ZNF217: variants seen among roughly 807,000 people sequenced by gnomAD.
ZNF217 encodes zinc finger protein 217.
A neutral mutation model predicts 73.3 loss-of-function variants in ZNF217; 12 were observed. The observed-to-expected ratio is 0.16, with a 90% CI of 0.10 to 0.27. The LOEUF (loss-of-function observed/expected upper bound fraction) is 0.27, where lower values mean the gene tolerates loss of function less well. ZNF217 is among the 10% of genes least tolerant of loss of function. ZNF217 has a pLI of 1.00. For synonymous variants in ZNF217, 588 were observed against 516.4 expected (o/e 1.14, Z -1.88); for missense variants, 1,195 against 1,327.8 (o/e 0.90, Z 1.55).
At chr20:53,579,387 A>T (rs1379081635) in intron 2 of ZNF217, among the ~76,000 whole-genome samples, 1 of 152,208 alleles carries the variant, frequency 6.6e-6, no homozygotes, top group African/African-American at 2.4e-5. Flanking sequence ...AAGAAAAAAA[A>T]ATTTACTTGA....
At position 53,582,603 on chromosome 20, in the gene ZNF217, G is replaced by A. The variant is rs774369263; in HGVS notation, c.224C>T (p.Thr75Ile). Residue 75 changes from threonine to isoleucine, a missense_variant, in exon 2 of 6, where the codon ACA (threonine) becomes ATA (isoleucine). Physicochemically the swap from Thr to Ile is moderately conservative, Grantham distance 89 (BLOSUM62 -1). Coordinates refer to ENST00000371471, the MANE Select transcript of ZNF217 (RefSeq NM_006526.3). This position sits in a 1 kb window ranked among gnomAD's most constrained non-coding sequence, Gnocchi z 4.8. Reference sequence around the variant, plus strand: ...ATGTTTATTAAGGTCTTCTGAATGTGTGAAGGTCTGGCTGCAGAACATGCA... The same window carrying A: ...ATGTTTATTAAGGTCTTCTGAATGTATGAAGGTCTGGCTGCAGAACATGCA... ...LDCMFCSQTF[T>I]HSEDLNKHVL... The A allele has an allele frequency of 3.7e-6, 6 of 1,614,062 alleles. No homozygotes were observed. Among genetic ancestry groups the A allele is most frequent in the African/African-American group, 2.7e-5 (2 of 74,918 alleles).
intron 2 of ZNF217, among the ~76,000 whole-genome samples, chr20:53,579,320 ATATCAC>A (rs1192661062): frequency 7.9e-5 from 12 of 152,164 alleles, no homozygotes; most frequent in African/African-American, 2.9e-4. Flanking sequence ...ACTGTAGATC[ATATCAC>A]TATCCACCTG....
intron 4 of ZNF217, chr20:53,574,897 A>C (rs1297767246): frequency 6.6e-6 from 1 of 152,280 alleles, no homozygotes; most frequent in African/African-American, 2.4e-5. Flanking sequence ...AGGAAGAAAA[A>C]GGGCTGTGAT....
At chr20:53,593,368 G>T (rs1331356319) in intron 1 of ZNF217, among the ~76,000 whole-genome samples, 1 of 152,064 alleles carries the variant, frequency 6.6e-6, no homozygotes, top group Admixed American at 6.5e-5. Context: ...CGCCCCAAGG[G>T]CCAACTGGGC....
chr20:53,580,684 TA>T (rs1483087412), intron 2 of ZNF217, among the ~76,000 whole-genome samples: 1 of 152,190 alleles, frequency 6.6e-6, no homozygotes, highest in African/African-American at 2.4e-5. Flanking sequence ...TGAGCCTTCT[TA>T]AAAATGTCTT....
At chr20:53,570,250 C>G (rs1284193174) in intron 5 of ZNF217, 1 of 152,632 alleles carries the variant, frequency 6.6e-6, no homozygotes, top group African/African-American at 2.4e-5. Context: ...CCCTCATGTT[C>G]TTCATCTATT....
At chr20:53,574,063 C>G (rs551649684) in intron 4 of ZNF217, among the ~76,000 whole-genome samples, 8 of 149,226 alleles carry the variant, frequency 5.4e-5, no homozygotes, top group African/African-American at 1.7e-4. Context: ...GAGCAAGACT[C>G]CATCTCAAAA....
rs1987873543 is a variant in ZNF217 at position 53,569,101 on chromosome 20, G to A, written c.*187C>T. 7.8e-7 allele frequency: 1 copy of A among 1,282,646 alleles called. No individual in the cohort carries two copies. Among genetic ancestry groups the A allele is most frequent in the African/African-American group, 1.6e-5 (1 of 64,404 alleles). 79.5% of individuals were successfully genotyped at this position (1,282,646 alleles called of 1,614,324 possible). On this transcript the variant is annotated 3_prime_UTR_variant, in exon 6 of 6. Coordinates refer to ENST00000371471, the MANE Select transcript of ZNF217 (RefSeq NM_006526.3). ...GTTTGTATTGCTATTTGGTACAAAA[G>A]TTAACAGAACAACTTTACACAACTG...
upstream of ZNF217, among the ~76,000 whole-genome samples, chr20:53,594,932 A>G (rs531768468): frequency 6.6e-5 from 10 of 150,602 alleles, no homozygotes; most frequent in African/African-American, 2.4e-4. Flanking sequence ...TTTTTCTGAA[A>G]GGGCTGGGCT....
At chr20:53,593,494 C>T (rs1988956705) in intron 1 of ZNF217, among the ~76,000 whole-genome samples, 1 of 151,930 alleles carries the variant, frequency 6.6e-6, no homozygotes, top group African/African-American at 2.4e-5. Flanking sequence ...CCCCAAGCCC[C>T]TCTGAATCGT....
intron 4 of ZNF217, among the ~76,000 whole-genome samples, chr20:53,573,789 T>C (rs1988121174): frequency 6.6e-6 from 1 of 152,186 alleles, no homozygotes. Flanking sequence ...ATCTCTACAC[T>C]GCTGGGCATG....
chr20:53,574,748 T>C (rs1410752705), intron 4 of ZNF217: 2 of 144,736 alleles, frequency 1.4e-5, no homozygotes, highest in Non-Finnish European at 3.0e-5. Context: ...TGAGCCGAGA[T>C]CGTGCCACTG....
At chr20:53,570,415 A>G (rs1029057329) in intron 5 of ZNF217, 15 of 153,078 alleles carry the variant, frequency 9.8e-5, no homozygotes, top group Non-Finnish European at 1.6e-4. Context: ...CCTAGCAGCC[A>G]GCAGGCACTT....
Position 53,582,264 on chromosome 20 carries a change from A to G in ZNF217, c.563T>C (p.Leu188Pro). The change falls in exon 2 of 6, where the codon CTG becomes CCG. Residue 188 changes from leucine to proline, a missense_variant. Physicochemically the swap from Leu to Pro is moderately conservative, Grantham distance 98. Coordinates refer to ENST00000371471, the MANE Select transcript of ZNF217 (RefSeq NM_006526.3). The surrounding 1 kb of genome is among the most constrained non-coding windows in gnomAD (Gnocchi z 4.8). Reference sequence around the variant, plus strand: ...TGGACTACTCTCCAAGCCTTGCTGCAGTTTGCTTCTGGCCCCCGATTTGCC... The same window carrying G: ...TGGACTACTCTCCAAGCCTTGCTGCGGTTTGCTTCTGGCCCCCGATTTGCC... ...HNGKSGARSKLQQGLESSPAT... is the reference protein window; with the variant it reads ...HNGKSGARSKPQQGLESSPAT... 1 of 1,614,200 alleles carries G rather than the reference A, an allele frequency of 6.2e-7. No individual in the cohort carries two copies. Among genetic ancestry groups the G allele is most frequent in the Non-Finnish European group, 8.5e-7 (1 of 1,180,030 alleles).
At chr20:53,594,144 G>A (rs1463548871), upstream of ZNF217, among the ~76,000 whole-genome samples, 1 of 151,348 alleles carries the variant, frequency 6.6e-6, no homozygotes, top group African/African-American at 2.4e-5. Flanking sequence ...GCGGGGGTGC[G>A]CACGGGGGCA....
chr20:53,593,105 C>G (rs1161986416), intron 1 of ZNF217, among the ~76,000 whole-genome samples: 4 of 151,906 alleles, frequency 2.6e-5, no homozygotes, highest in Non-Finnish European at 5.9e-5. Flanking sequence ...GATGAGCAGG[C>G]GCCCCAAGAC....
At chr20:53,589,439 C>T (rs1445534297) in intron 1 of ZNF217, among the ~76,000 whole-genome samples, 1 of 152,184 alleles carries the variant, frequency 6.6e-6, no homozygotes, top group Non-Finnish European at 1.5e-5. Context: ...AACAGTCAGT[C>T]AACAAATGTT....
Position 53,582,766 on chromosome 20 carries a change from G to C in ZNF217, c.61C>G (p.Pro21Ala). 3.1e-6 allele frequency: 5 copies of C among 1,614,036 alleles called. No homozygotes were observed. The highest frequency in any genetic ancestry group is 1.3e-5 in the African/African-American group (1 of 74,998). The stretch of plus-strand genomic sequence containing the variant: ...CCAAGAGAGCTGCCAATCACTTCTG[G>C]CCCATCCATGTACATTAAGAGGGAT... ...TQSLLMYMDG[P>A]EVIGSSLGSP... The change falls in exon 2 of 6, where the codon CCA becomes GCA. Residue 21 changes from proline to alanine, a missense_variant. Around this residue, in one of 9 missense-constraint regions of ZNF217, gnomAD observed 147 missense variants for 184.3 expected, o/e 0.80. Coordinates refer to ENST00000371471, the MANE Select transcript of ZNF217 (RefSeq NM_006526.3). This position sits in a 1 kb window ranked among gnomAD's most constrained non-coding sequence, Gnocchi z 4.8.
chr20:53,574,834 C>G (rs1306518585), intron 4 of ZNF217: 1 of 152,244 alleles, frequency 6.6e-6, no homozygotes, highest in Non-Finnish European at 1.5e-5. Flanking sequence ...AAAAAAACCC[C>G]CGCAACTCCA....
Sources: allele counts gnomAD v4.1 joint callset (sites outside exome capture counted in the v4.1 genomes callset), GRCh38; gene constraint gnomAD v4.1.1; regional missense constraint gnomAD v4.1.1; non-coding constraint Gnocchi (gnomAD v3.1); transcripts MANE v1.5; gene names NCBI Gene and HGNC (gene_info 2026-07-23, HGNC 2026-07-21).